CNKSR2: variants seen among roughly 807,000 people sequenced by gnomAD.
The protein encoded by CNKSR2 is CNK homolog protein 2.
Under a neutral mutation model 84.4 loss-of-function variants are expected in CNKSR2, and 14 were observed. The observed-to-expected ratio is 0.17, with a 90% CI of 0.11 to 0.26. The LOEUF (loss-of-function observed/expected upper bound fraction) is 0.26. Among genes scored for constraint, CNKSR2 ranks in the 10% least tolerant of loss-of-function variants. The pLI is 1.00. For missense variants in CNKSR2, 485 were observed against 771.2 expected (o/e 0.63, Z 4.40); for synonymous variants, 275 against 277.9 (o/e 0.99, Z 0.10).
intron 5 of CNKSR2, among the ~76,000 whole-genome samples, chrX:21,472,192 C>T (rs2091205945): frequency 9.0e-6 from 1 of 111,610 alleles, no homozygotes; most frequent in Admixed American, 9.6e-5. Flanking sequence ...CATGCACAGA[C>T]CCTTTCCCAC....
chrX:21,416,252 T>C (rs1432040723), intron 1 of CNKSR2, among the ~76,000 whole-genome samples: 1 of 112,217 alleles, frequency 8.9e-6, no homozygotes, highest in Non-Finnish European at 1.9e-5. Context: ...ATTGATTGAT[T>C]TGCATATGTT....
intron 20 of CNKSR2, chrX:21,642,199 T>A (rs1386916934): frequency 1.3e-6 from 1 of 745,955 alleles, no homozygotes; most frequent in Non-Finnish European, 1.6e-6. Flanking sequence ...TATTCTATTA[T>A]AAAGTGTATT....
chrX:21,518,141 A>G (rs2091747151), intron 9 of CNKSR2, among the ~76,000 whole-genome samples: 1 of 111,826 alleles, frequency 8.9e-6, no homozygotes, highest in African/African-American at 3.2e-5. Flanking sequence ...TCAGAGGTCA[A>G]TGTTTGCCTC....
Position 21,653,840 on chromosome X carries a change from G to A in CNKSR2, c.*1319G>A, listed in dbSNP as rs1460558615. 9.0e-6 allele frequency: 1 copy of A among 111,017 alleles called. No homozygotes were observed. The highest frequency in any genetic ancestry group is 1.9e-5 in the Non-Finnish European group (1 of 53,015). 9.1% of individuals were successfully genotyped at this position (111,017 alleles called of 1,213,427 possible). A position where few individuals can be genotyped will look rare whatever the true frequency, so the allele number is the denominator to read the frequency against. On this transcript the variant is annotated 3_prime_UTR_variant, in exon 22 of 22. Coordinates refer to ENST00000379510, the MANE Select transcript of CNKSR2 (RefSeq NM_014927.5). The stretch of plus-strand genomic sequence containing the variant: ...TCACAATTTGCTGTTTTTTTCAGGA[G>A]GAGAAAGGGAACCTCCTTTACTATT...
intron 4 of CNKSR2, among the ~76,000 whole-genome samples, chrX:21,452,045 A>T (rs2090938146): frequency 9.0e-6 from 1 of 111,272 alleles, no homozygotes; most frequent in South Asian, 3.8e-4. Flanking sequence ...TATTAAAGTT[A>T]CAGGGATTAC....
chrX:21,515,702 AAG>A (rs1195336502), intron 8 of CNKSR2, among the ~76,000 whole-genome samples: 1 of 111,975 alleles, frequency 8.9e-6, no homozygotes, highest in African/African-American at 3.2e-5. Context: ...TTAAAGGATG[AAG>A]AGTGAAGTAA....
At chrX:21,613,745 G>A (rs1402059413) in intron 20 of CNKSR2, among the ~76,000 whole-genome samples, 1 of 111,865 alleles carries the variant, frequency 8.9e-6, no homozygotes, top group African/African-American at 3.2e-5. Flanking sequence ...TTTGAAACCA[G>A]CCTGGCCAAC....
At chrX:21,515,361 G>A (rs190929423) in intron 8 of CNKSR2, among the ~76,000 whole-genome samples, 235 of 111,076 alleles carry the variant, frequency 2.1e-3, no homozygotes, top group African/African-American at 7.4e-3. Flanking sequence ...GTTATTATTA[G>A]ACAAAGGGCA....
intron 1 of CNKSR2, among the ~76,000 whole-genome samples, chrX:21,409,213 T>TA (rs1383695142): frequency 1.3e-5 from 1 of 77,414 alleles, no homozygotes; most frequent in African/African-American, 4.7e-5. Context: ...AAACCTTACA[T>TA]AAAAAATGAA....
chrX:21,653,557 A>G lies in CNKSR2; in HGVS notation c.*1036A>G, dbSNP rs1318298669. ...CAGGCTGATGTGTGTTATAAAAAAC[A>G]ACACTGAAAAATAAAAATGTACTTC... On this transcript the variant is annotated 3_prime_UTR_variant, in exon 22 of 22. Transcript: ENST00000379510. The G allele has an allele frequency of 9.1e-6, 1 of 110,104 alleles. No individual in the cohort carries two copies. Among genetic ancestry groups the G allele is most frequent in the Non-Finnish European group, 1.9e-5 (1 of 52,868 alleles). 9.1% of individuals were successfully genotyped at this position (110,104 alleles called of 1,213,427 possible). A position where few individuals can be genotyped will look rare whatever the true frequency, so the allele number is the denominator to read the frequency against.
At chrX:21,648,160 T>A (rs1367972004) in intron 20 of CNKSR2, among the ~76,000 whole-genome samples, 1 of 111,632 alleles carries the variant, frequency 9.0e-6, no homozygotes, top group Non-Finnish European at 1.9e-5. Context: ...TATAAACATA[T>A]TCCCATGTTT....
At chrX:21,488,556 A>C (rs1249270842) in intron 5 of CNKSR2, among the ~76,000 whole-genome samples, 2 of 111,814 alleles carry the variant, frequency 1.8e-5, no homozygotes, top group Non-Finnish European at 3.8e-5. Flanking sequence ...TAGACACAAT[A>C]AAAGTACAGA....
At chrX:21,520,389 T>G (rs1053885218) in intron 9 of CNKSR2, among the ~76,000 whole-genome samples, 1 of 110,929 alleles carries the variant, frequency 9.0e-6, no homozygotes, top group African/African-American at 3.3e-5. Context: ...GAGAGCTGCT[T>G]TTCAAAACAT....
intron 1 of CNKSR2, among the ~76,000 whole-genome samples, chrX:21,397,690 A>G (rs762993089): frequency 5.4e-5 from 6 of 111,277 alleles, no homozygotes; most frequent in East Asian, 2.8e-4. Context: ...GTAGTACTGT[A>G]GGGTAACTAT....
chrX:21,464,234 A>G (rs2091098348), intron 4 of CNKSR2, among the ~76,000 whole-genome samples: 1 of 112,100 alleles, frequency 8.9e-6, no homozygotes, highest in African/African-American at 3.3e-5. Context: ...GTTTTCTGCT[A>G]TAACAACGTC....
At position 21,459,541 on chromosome X, in the gene CNKSR2, G is replaced by T. The variant is rs143800158; in HGVS notation, c.520-11225G>T. 5.1e-3 allele frequency among the ~76,000 whole-genome samples: 561 copies of T among 109,681 alleles called. 14 individuals carry two copies. In the East Asian group the frequency reaches 0.11, roughly 21 times the overall value. ...TCTGCTTGGTGTGTATATAGTACTA[G>T]ATCTTCCATCTCCTAATACACTCTC... On this transcript the variant is annotated intron_variant, in intron 4 of 21. Coordinates refer to ENST00000379510, the MANE Select transcript of CNKSR2 (RefSeq NM_014927.5).
At chrX:21,610,017 A>G (rs2092541919) in intron 20 of CNKSR2, among the ~76,000 whole-genome samples, 1 of 112,181 alleles carries the variant, frequency 8.9e-6, no homozygotes, top group Non-Finnish European at 1.9e-5. Context: ...TTGTTAGCAG[A>G]GCCTTGGTTG....
At chrX:21,598,994 T>C (rs1362587199) in intron 17 of CNKSR2, among the ~76,000 whole-genome samples, 1 of 112,937 alleles carries the variant, frequency 8.9e-6, no homozygotes, top group Non-Finnish European at 1.9e-5. Flanking sequence ...AATTGTGTTG[T>C]ATTTAGCCCC....
At chrX:21,376,930 T>C (rs1288344626) in intron 1 of CNKSR2, among the ~76,000 whole-genome samples, 1 of 112,453 alleles carries the variant, frequency 8.9e-6, no homozygotes, top group African/African-American at 3.2e-5. Flanking sequence ...GCACCTATTC[T>C]GACACACATT....
Sources: gnomAD v4.1 joint callset for allele counts (sites outside exome capture counted in the v4.1 genomes callset) on GRCh38, gnomAD v4.1.1 for gene constraint, MANE v1.5 for transcripts, NCBI Gene and HGNC (gene_info 2026-07-23, HGNC 2026-07-21) for gene names.